The following NTM variants were observed in gnomAD, a reference collection of about 807,000 sequenced individuals.
NTM encodes neurotrimin.
Under a neutral mutation model 42.1 loss-of-function variants are expected in NTM, and 13 were observed. The observed-to-expected ratio is 0.31, with a 90% CI of 0.20 to 0.49. The LOEUF is 0.49. Among genes scored for constraint, NTM ranks in the 20% least tolerant of loss-of-function variants. NTM has a pLI of 0.99. For synonymous variants in NTM, 187 were observed against 179.2 expected (o/e 1.04, Z -0.35); for missense variants, 373 against 452.8 (o/e 0.82, Z 1.60).
At chr11:131,500,285 T>C (rs2046578874) in intron 1 of NTM, among the ~76,000 whole-genome samples, 1 of 152,184 alleles carries the variant, frequency 6.6e-6, no homozygotes, top group Non-Finnish European at 1.5e-5. Flanking sequence ...TTGTACATTT[T>C]ACTGGCACAG....
intron 1 of NTM, among the ~76,000 whole-genome samples, chr11:131,599,964 T>C (rs2060323319): frequency 6.6e-6 from 1 of 152,246 alleles, no homozygotes; most frequent in Non-Finnish European, 1.5e-5. Flanking sequence ...ACAATTGTTA[T>C]AAACAGAGAC....
chr11:132,113,396 T>C (rs978763308), intron 2 of NTM, among the ~76,000 whole-genome samples: 1 of 152,232 alleles, frequency 6.6e-6, no homozygotes, highest in African/African-American at 2.4e-5. Flanking sequence ...ACTCTAATTC[T>C]CTGTATCTGA....
intron 2 of NTM, among the ~76,000 whole-genome samples, chr11:131,963,245 G>A (rs776080654): frequency 6.6e-6 from 1 of 152,174 alleles, no homozygotes; most frequent in African/African-American, 2.4e-5. Flanking sequence ...AAATCCACAG[G>A]TGTGACCCAG....
At chr11:131,710,177 C>T (rs1310540590) in intron 1 of NTM, among the ~76,000 whole-genome samples, 2 of 152,176 alleles carry the variant, frequency 1.3e-5, no homozygotes, top group Non-Finnish European at 2.9e-5. Context: ...GATTCTTTCA[C>T]CAACTCAGGA....
intron 3 of NTM, among the ~76,000 whole-genome samples, chr11:132,152,235 G>A (rs1030637888): frequency 6.6e-6 from 1 of 152,172 alleles, no homozygotes; most frequent in Non-Finnish European, 1.5e-5. Context: ...ATGCCCTTCT[G>A]GCAGGACAAG....
At chr11:131,773,181 A>C (rs1387497058) in intron 1 of NTM, among the ~76,000 whole-genome samples, 1 of 152,154 alleles carries the variant, frequency 6.6e-6, no homozygotes, top group African/African-American at 2.4e-5. Context: ...TCTGCTTCCA[A>C]GGTGGTGCCT....
chr11:131,982,178 G>A (rs2065349146), intron 2 of NTM, among the ~76,000 whole-genome samples: 1 of 152,114 alleles, frequency 6.6e-6, no homozygotes, highest in African/African-American at 2.4e-5. Context: ...ATACTGGGGT[G>A]GAGGGAGGGG....
chr11:131,867,785 CAG>C (rs757940162), intron 1 of NTM, among the ~76,000 whole-genome samples: 4 of 152,048 alleles, frequency 2.6e-5, no homozygotes, highest in Admixed American at 6.6e-5. Flanking sequence ...ATGAGATTTG[CAG>C]AGAGGGTGTT....
intron 4 of NTM, among the ~76,000 whole-genome samples, chr11:132,246,202 C>T (rs1414169709): frequency 6.6e-6 from 1 of 152,214 alleles, no homozygotes; most frequent in Non-Finnish European, 1.5e-5. Flanking sequence ...GGCAAAGGGG[C>T]CTTTGCCGCA....
chr11:131,574,861 TGG>T (rs981270883), intron 1 of NTM, among the ~76,000 whole-genome samples: 1 of 152,104 alleles, frequency 6.6e-6, no homozygotes, highest in African/African-American at 2.4e-5. Flanking sequence ...CTGTTACCTC[TGG>T]GAAGACCTAT....
intron 1 of NTM, among the ~76,000 whole-genome samples, chr11:131,541,757 C>T (rs1445468985): frequency 1.3e-5 from 2 of 152,178 alleles, no homozygotes; most frequent in Non-Finnish European, 2.9e-5. Context: ...AAATACCTAC[C>T]TGCAGGGGTT....
chr11:132,080,363 G>T (rs751685076), intron 2 of NTM, among the ~76,000 whole-genome samples: 6 of 152,196 alleles, frequency 3.9e-5, no homozygotes, highest in Non-Finnish European at 7.3e-5. Context: ...TTTTCAAAGA[G>T]CAGACAGGGC....
At chr11:131,902,715 G>A (rs2053344753) in intron 1 of NTM, among the ~76,000 whole-genome samples, 1 of 152,196 alleles carries the variant, frequency 6.6e-6, no homozygotes, top group Non-Finnish European at 1.5e-5. Context: ...TAACATCACA[G>A]CAGTTCATCC....
chr11:131,530,546 C>A (rs2051116570), intron 1 of NTM, among the ~76,000 whole-genome samples: 1 of 151,966 alleles, frequency 6.6e-6, no homozygotes, highest in Non-Finnish European at 1.5e-5. Context: ...ATAGGGAGGG[C>A]TGGAACTGTG....
chr11:131,713,547 TC>T, intron 1 of NTM, among the ~76,000 whole-genome samples: 1 of 152,350 alleles, frequency 6.6e-6, no homozygotes, highest in South Asian at 2.1e-4. Context: ...GAAAAACCTT[TC>T]CTCTCTTCCT....
chr11:131,900,552 T>G (rs531827706), intron 1 of NTM, among the ~76,000 whole-genome samples: 2 of 152,292 alleles, frequency 1.3e-5, no homozygotes, highest in South Asian at 4.2e-4. Context: ...TGAGGAGATC[T>G]TGGCTTGGGC....
chr11:131,832,429 T>G (rs185685207), intron 1 of NTM, among the ~76,000 whole-genome samples: 12 of 152,140 alleles, frequency 7.9e-5, no homozygotes, highest in Non-Finnish European at 1.5e-4. Context: ...TATTTGTTCT[T>G]TGATGGTAAA....
At chr11:132,217,666 G>C (rs2084191423) in intron 4 of NTM, among the ~76,000 whole-genome samples, 1 of 151,908 alleles carries the variant, frequency 6.6e-6, no homozygotes, top group African/African-American at 2.4e-5. Flanking sequence ...TACCAACAGG[G>C]CTCAGTAACC....
chr11:131,789,625 G>GA (rs1457766943), intron 1 of NTM, among the ~76,000 whole-genome samples: 1 of 85,564 alleles, frequency 1.2e-5, no homozygotes. Context: ...AGAAGAAGAA[G>GA]AAGAAGAAGA....
Sources: gnomAD v4.1 joint callset for allele counts (sites outside exome capture counted in the v4.1 genomes callset) on GRCh38, gnomAD v4.1.1 for gene constraint, MANE v1.5 for transcripts, NCBI Gene and HGNC (gene_info 2026-07-23, HGNC 2026-07-21) for gene names.